INTS1: variants seen among roughly 807,000 people sequenced by gnomAD.
INTS1 encodes integrator complex subunit 1.
Under a neutral mutation model 241.6 loss-of-function variants are expected in INTS1, and 137 were observed. The ratio of observed to expected loss-of-function variants is 0.57; its 90% CI spans 0.49 to 0.65. INTS1 has a LOEUF of 0.65. INTS1 is among the 30% of genes least tolerant of loss of function. The pLI is 0.00. For synonymous variants in INTS1, 1,692 were observed against 1,337.8 expected (o/e 1.26, Z -5.78); for missense variants, 3,073 against 3,032.2 (o/e 1.01, Z -0.32).
chr7:1,481,824 C>T lies in INTS1; in HGVS notation c.3704-336G>A, dbSNP rs888801861. ...TGACCCCACCCGAGACCTGGGGCCGCACAAGGGGGCAGCGTGTCGGGACCA... is the reference window on the plus strand; with the variant it reads ...TGACCCCACCCGAGACCTGGGGCCGTACAAGGGGGCAGCGTGTCGGGACCA... On this transcript the variant is annotated intron_variant, in intron 27 of 47. Transcript: ENST00000404767. The surrounding 1 kb of genome is among the most constrained non-coding windows in gnomAD (Gnocchi z 6.8). Among the ~76,000 whole-genome samples, 2 of 152,146 alleles carry T rather than the reference C, an allele frequency of 1.3e-5. No homozygotes were observed. Among genetic ancestry groups the T allele is most frequent in the Admixed American group, 1.3e-4 (2 of 15,296 alleles).
intron 2 of INTS1, 110 bp downstream of exon 2, chr7:1,503,793 C>T (rs1783320645): frequency 2.6e-6 from 2 of 762,186 alleles, no homozygotes. Flanking sequence ...GAAACAGCCG[C>T]GGCTGCGGAA....
In INTS1 at chr7:1,497,621, T is replaced by C. The variant is rs1480114159; in HGVS notation, c.1426-307A>G. ...CAAAGCCATAGAAGCGCGTGTGCCA[T>C]CTCAGCCCACCCGTGCGCCACGGGC... On this transcript the variant is annotated intron_variant, in intron 10 of 47. Transcript: ENST00000404767. This position sits in a 1 kb window ranked among gnomAD's most constrained non-coding sequence, Gnocchi z 5.3. Among the ~76,000 whole-genome samples the C allele has an allele frequency of 6.6e-6, 1 of 152,144 alleles. No homozygotes were observed. The highest frequency in any genetic ancestry group is 2.4e-5 in the African/African-American group (1 of 41,438).
In INTS1 at chr7:1,493,724, C is replaced by G. The variant is rs1364546045; in HGVS notation, c.2068+30G>C. On this transcript the variant is annotated intron_variant, in intron 15 of 47. Transcript: ENST00000404767. The surrounding 1 kb of genome is among the most constrained non-coding windows in gnomAD (Gnocchi z 5.3). ...GCAGGGACGAGGGGAGCAGACCCAGCACAGGCGCCATCCCCTGCAGAAGCC... is the reference window on the plus strand; with the variant it reads ...GCAGGGACGAGGGGAGCAGACCCAGGACAGGCGCCATCCCCTGCAGAAGCC... 2 of 1,553,814 alleles carry G rather than the reference C, an allele frequency of 1.3e-6. No homozygotes were observed. Among genetic ancestry groups the G allele is most frequent in the African/African-American group, 2.7e-5 (2 of 73,336 alleles).
chr7:1,481,181 C>T lies in INTS1; in HGVS notation c.3850+161G>A. On this transcript the variant is annotated intron_variant, in intron 28 of 47. Transcript: ENST00000404767. This position sits in a 1 kb window ranked among gnomAD's most constrained non-coding sequence, Gnocchi z 6.8. ...AGGCCTCGGCTCCCTCCTGACTGTGCCAGCCTCACCAACCCACAGGTCTAA... is the reference window on the plus strand; with the variant it reads ...AGGCCTCGGCTCCCTCCTGACTGTGTCAGCCTCACCAACCCACAGGTCTAA... 1.1e-6 allele frequency: 1 copy of T among 874,792 alleles called. No homozygotes were observed. Among genetic ancestry groups the T allele is most frequent in the Non-Finnish European group, 1.8e-6 (1 of 545,854 alleles). The allele number at this position is 874,792 out of a possible 1,614,324, so 54.2% of individuals were successfully genotyped here. A position where few individuals can be genotyped will look rare whatever the true frequency, so the allele number is the denominator to read the frequency against.
chr7:1,487,111 C>T lies in INTS1; in HGVS notation c.2647-10G>A, dbSNP rs1029152990. On this transcript the variant is annotated splice_polypyrimidine_tract_variant and intron_variant, in intron 20 of 47. Coordinates refer to ENST00000404767, the MANE Select transcript of INTS1 (RefSeq NM_001080453.3). The stretch of plus-strand genomic sequence containing the variant: ...TGGACTGCGAGGAGGCCTGGGCAGG[C>T]GACAGTGGCGCCCGCTCAGCACCTT... 3.9e-6 allele frequency: 6 copies of T among 1,541,248 alleles called. No homozygotes were observed. The highest frequency in any genetic ancestry group is 1.2e-5 in the South Asian group (1 of 84,204).
At chr7:1,487,583 C>T (rs1476125639) in intron 19 of INTS1, 134 bp from the exon 20 acceptor site, 2 of 1,311,572 alleles carry the variant, frequency 1.5e-6, no homozygotes, top group African/African-American at 1.5e-5. Context: ...CTGGGATGTC[C>T]CCAAGGCCTG....
In INTS1 at chr7:1,497,810, G is replaced by C. The variant is rs555398179; in HGVS notation, c.1426-496C>G. ...GCCCACCGGGAGGCCTAATGCGCTG[G>C]TGGCGATGGGAGCATCTCCCGAGCC... is the stretch of plus-strand genomic sequence containing the variant. On this transcript the variant is annotated intron_variant, in intron 10 of 47. Coordinates refer to ENST00000404767, the MANE Select transcript of INTS1 (RefSeq NM_001080453.3). This position sits in a 1 kb window ranked among gnomAD's most constrained non-coding sequence, Gnocchi z 5.3. 3.1e-4 allele frequency among the ~76,000 whole-genome samples: 47 copies of C among 152,362 alleles called. No individual in the cohort carries two copies. The Middle Eastern group carries it at 0.031, about 99-fold the overall frequency.
intron 31 of INTS1, among the ~76,000 whole-genome samples, 165 bp from the exon 32 acceptor site, chr7:1,479,050 G>A (rs1334345773): frequency 6.6e-6 from 1 of 152,198 alleles, no homozygotes; most frequent in African/African-American, 2.4e-5. Context: ...TGCCTCCCCT[G>A]CACGGGCCCA....
At chr7:1,489,311 T>A (rs79178284) in intron 18 of INTS1, 33 bp downstream of exon 18, 1 of 1,247,132 alleles carries the variant, frequency 8.0e-7, no homozygotes, top group Admixed American at 2.1e-5. Context: ...CTGCTCCCCA[T>A]CCCGGGCCCG....
intron 41 of INTS1, 54 bp downstream of exon 41, chr7:1,474,114 G>A (rs1209108112): frequency 1.3e-6 from 2 of 1,506,474 alleles, no homozygotes; most frequent in South Asian, 1.3e-5. Context: ...GCAGGCCTGG[G>A]CCAGAGCAGA....
In INTS1 at chr7:1,481,141, G is replaced by C. The variant is rs367894429; in HGVS notation, c.3850+201C>G. 331 of 736,386 alleles carry C rather than the reference G, an allele frequency of 4.5e-4. 1 individual carries two copies. In the African/African-American group the frequency reaches 4.9e-3, roughly 11 times the overall value. 45.6% of individuals were successfully genotyped at this position (736,386 alleles called of 1,614,324 possible). A position where few individuals can be genotyped will look rare whatever the true frequency, so the allele number is the denominator to read the frequency against. ...GGCCCTAGGGGGTGCCTGGCCCCAG[G>C]GTTGGGGCAGGCCCAGGCCTCGGCT... On this transcript the variant is annotated intron_variant, in intron 28 of 47. Coordinates refer to ENST00000404767, the MANE Select transcript of INTS1 (RefSeq NM_001080453.3). This position sits in a 1 kb window ranked among gnomAD's most constrained non-coding sequence, Gnocchi z 6.8.
rs1239707295 is a variant in INTS1 at position 1,494,770 on chromosome 7, C to T, written c.1910+46G>A. 2.6e-6 allele frequency: 4 copies of T among 1,539,500 alleles called. No individual in the cohort carries two copies. The East Asian group carries it at 9.8e-5, about 38-fold the overall frequency. ...CGCAGCCGGCCCGGCACCCCGCAGCCCCGCCCAGCCCGGCACACAGGAGCC... is the reference window on the plus strand; with the variant it reads ...CGCAGCCGGCCCGGCACCCCGCAGCTCCGCCCAGCCCGGCACACAGGAGCC... On this transcript the variant is annotated intron_variant, in intron 14 of 47. Coordinates refer to ENST00000404767, the MANE Select transcript of INTS1 (RefSeq NM_001080453.3).
Position 1,474,765 on chromosome 7 carries a change from C to A in INTS1, c.5576G>T (p.Gly1859Val), listed in dbSNP as rs1239318363. The change falls in exon 40 of 48, where the codon GGG (glycine) becomes GTG (valine). Residue 1859 changes from glycine (G) to valine (V), a missense_variant. Gly to Val is a moderately radical substitution (Grantham distance 109). Coordinates refer to ENST00000404767, the MANE Select transcript of INTS1 (RefSeq NM_001080453.3). ...TSDSRALENR[G>V]ADASMACRKL... is the part of the protein sequence containing the mutation. ...CCGGCAGGCCATGCTGGCATCCGCC[C>A]CTCGGTTCTCCAACGCCCGGGAGTC... The A allele has an allele frequency of 6.4e-7, 1 of 1,572,258 alleles. No homozygotes were observed. The highest frequency in any genetic ancestry group is 2.2e-4 in the Middle Eastern group (1 of 4,512).
In INTS1 at chr7:1,481,602, G is replaced by A; in HGVS notation, c.3704-114C>T. ...AGTGACCCCACCCACCTGAGACCCT[G>A]GGCCACGTGGGCTCGGTGACCCCAC... On this transcript the variant is annotated intron_variant, in intron 27 of 47. Transcript: ENST00000404767. This position sits in a 1 kb window ranked among gnomAD's most constrained non-coding sequence, Gnocchi z 6.8. The A allele has an allele frequency of 9.9e-7, 1 of 1,005,180 alleles. No individual in the cohort carries two copies. The highest frequency in any genetic ancestry group is 1.3e-6 in the Non-Finnish European group (1 of 758,626). The allele number at this position is 1,005,180 out of a possible 1,614,324, so 62.3% of individuals were successfully genotyped here.
rs764993587 is a variant in INTS1 at position 1,494,824 on chromosome 7, A to G, written c.1902T>C (p.Ser634=). 8 of 1,563,792 alleles carry G rather than the reference A, an allele frequency of 5.1e-6. No homozygotes were observed. In the African/African-American group the frequency reaches 1.1e-4, roughly 21 times the overall value. The stretch of plus-strand genomic sequence containing the variant: ...GGCGGCAGCGCACTCACTTGCGGTC[A>G]CTCTCGGGTGGCCAGTTGTCCCACT... ...YYKWDNWPPE[S]DRNFFLRLCS... is the part of the protein sequence containing the mutation. Residue 634 remains serine (S), a synonymous_variant, in exon 14 of 48, where the codon AGT becomes AGC. Coordinates refer to ENST00000404767, the MANE Select transcript of INTS1 (RefSeq NM_001080453.3).
At chr7:1,477,392 T>C (rs369476160) in intron 35 of INTS1, among the ~76,000 whole-genome samples, 158 bp downstream of exon 35, 86 of 151,216 alleles carry the variant, frequency 5.7e-4, no homozygotes, top group African/African-American at 1.9e-3. Flanking sequence ...TTGGGGGACC[T>C]ACCCTTCCTC....
At position 1,502,957 on chromosome 7, in the gene INTS1, G is replaced by A. The variant is rs1365096543; in HGVS notation, c.293C>T (p.Ala98Val). Reference protein sequence around the residue: ...ALGRLAEAAVAEKRAISPSIK... With the variant: ...ALGRLAEAAVVEKRAISPSIK... ...CGACGGAGAAATGGCTCGTTTTTCT[G>A]CCACTGCAGCCTCAGCCAGGCGCCC... The change falls in exon 3 of 48, where the codon GCA becomes GTA. Residue 98 changes from alanine (A) to valine (V), a missense_variant. Transcript: ENST00000404767. 9.3e-6 allele frequency: 15 copies of A among 1,613,622 alleles called. No individual in the cohort carries two copies. The highest frequency in any genetic ancestry group is 3.3e-5 in the South Asian group (3 of 91,076).
At position 1,496,131 on chromosome 7, in the gene INTS1, G is replaced by A. The variant is rs377767164; in HGVS notation, c.1711+25C>T. 5.3e-5 allele frequency: 85 copies of A among 1,593,214 alleles called. No homozygotes were observed. In the African/African-American group the frequency reaches 1.0e-3, roughly 19 times the overall value. On this transcript the variant is annotated intron_variant, in intron 12 of 47. Coordinates refer to ENST00000404767, the MANE Select transcript of INTS1 (RefSeq NM_001080453.3). The stretch of plus-strand genomic sequence containing the variant: ...TGGACCCGAGACCCCCACCAAGCAG[G>A]GCCAGGCCACCCCCACATCCTTACT...
Position 1,497,060 on chromosome 7 carries a change from T to C in INTS1, c.1602+78A>G, listed in dbSNP as rs2128543162. The C allele has an allele frequency of 3.5e-6, 5 of 1,412,956 alleles. No homozygotes were observed. The highest frequency in any genetic ancestry group is 2.3e-5 in the Admixed American group (1 of 44,398). 87.5% of individuals were successfully genotyped at this position (1,412,956 alleles called of 1,614,324 possible). On this transcript the variant is annotated intron_variant, in intron 11 of 47. Transcript: ENST00000404767. This position sits in a 1 kb window ranked among gnomAD's most constrained non-coding sequence, Gnocchi z 5.3. ...AGCATCCGAAGGGGTGGAGTGTGCA[T>C]GGGACCCAGGACGAGGGGGATGGCG...
Sources: gnomAD v4.1 joint callset for allele counts (sites outside exome capture counted in the v4.1 genomes callset) on GRCh38, gnomAD v4.1.1 for gene constraint, Gnocchi (gnomAD v3.1) non-coding constraint, MANE v1.5 for transcripts, NCBI Gene and HGNC (gene_info 2026-07-23, HGNC 2026-07-21) for gene names.